The following CSMD3 variants were observed in gnomAD, a reference collection of about 807,000 sequenced individuals.
CSMD3 encodes the protein CUB and Sushi multiple domains 3, also known as CUB and sushi domain-containing protein 3.
A neutral mutation model predicts 435.2 loss-of-function variants in CSMD3; 177 were observed. The observed-to-expected ratio is 0.41, with a 90% CI of 0.36 to 0.46. The LOEUF (loss-of-function observed/expected upper bound fraction) is 0.46, where lower values mean the gene tolerates loss of function less well. CSMD3 is among the 20% of genes least tolerant of loss of function. The pLI is 0.34. For synonymous variants in CSMD3, 1,656 were observed against 1,520.5 expected (o/e 1.09, Z -2.07); for missense variants, 4,265 against 4,504.6 (o/e 0.95, Z 1.52).
At chr8:112,969,032 T>G (rs1259956101) in intron 7 of CSMD3, among the ~76,000 whole-genome samples, 1 of 152,024 alleles carries the variant, frequency 6.6e-6, no homozygotes, top group Non-Finnish European at 1.5e-5. Flanking sequence ...TAATATAGCC[T>G]ATTAGTGATG....
chr8:112,440,745 C>T (rs886289040), intron 32 of CSMD3, among the ~76,000 whole-genome samples: 1 of 152,196 alleles, frequency 6.6e-6, no homozygotes, highest in African/African-American at 2.4e-5. Context: ...TTGGGACTTG[C>T]ACCCTCTGAA....
At chr8:112,550,283 G>C (rs1045624521) in intron 27 of CSMD3, among the ~76,000 whole-genome samples, 3 of 151,584 alleles carry the variant, frequency 2.0e-5, no homozygotes, top group African/African-American at 7.3e-5. Flanking sequence ...GAAAAATGTA[G>C]GGTTGTATTT....
chr8:113,135,293 T>C (rs1287483908), intron 4 of CSMD3, among the ~76,000 whole-genome samples: 2 of 151,914 alleles, frequency 1.3e-5, no homozygotes, highest in African/African-American at 4.8e-5. Flanking sequence ...TAAATAAAAA[T>C]TATTTCAGTT....
chr8:112,699,324 C>T (rs969747896), intron 13 of CSMD3, among the ~76,000 whole-genome samples: 1 of 152,128 alleles, frequency 6.6e-6, no homozygotes, highest in African/African-American at 2.4e-5. Flanking sequence ...AAGGAACAAA[C>T]TCCAAACACA....
intron 30 of CSMD3, 128 bp from the exon 31 acceptor site, chr8:112,492,811 A>C: frequency 1.3e-6 from 1 of 783,608 alleles, no homozygotes; most frequent in South Asian, 1.4e-5. Context: ...CTGTATCTGT[A>C]CTGAATATAT....
At chr8:113,436,504 C>T (rs752027722) in intron 1 of CSMD3, among the ~76,000 whole-genome samples, 173 bp downstream of exon 1, 1 of 152,178 alleles carries the variant, frequency 6.6e-6, no homozygotes, top group Non-Finnish European at 1.5e-5. Flanking sequence ...CCAAATCTGG[C>T]AAGCAAAATG....
chr8:113,174,083 A>C (rs1276373035), intron 3 of CSMD3, among the ~76,000 whole-genome samples, 167 bp from the exon 4 acceptor site: 2 of 152,220 alleles, frequency 1.3e-5, no homozygotes, highest in African/African-American at 4.8e-5. Context: ...GAATATGGGA[A>C]GAAAACTAAA....
chr8:113,276,191 CAT>C (rs2093568565), intron 3 of CSMD3, among the ~76,000 whole-genome samples: 1 of 152,072 alleles, frequency 6.6e-6, no homozygotes, highest in African/African-American at 2.4e-5. Flanking sequence ...GGAACTTGCA[CAT>C]ATGTCATGTT....
At chr8:112,510,986 G>A (rs541667973) in intron 28 of CSMD3, among the ~76,000 whole-genome samples, 2 of 152,048 alleles carry the variant, frequency 1.3e-5, no homozygotes, top group East Asian at 3.9e-4. Flanking sequence ...TTTACCTTTG[G>A]GGCTCTGAAA....
intron 10 of CSMD3, among the ~76,000 whole-genome samples, chr8:112,920,584 T>C (rs1242417618): frequency 6.6e-6 from 1 of 151,844 alleles, no homozygotes; most frequent in Non-Finnish European, 1.5e-5. Flanking sequence ...CAAACCTTGA[T>C]GTTTATGTCT....
At chr8:112,421,184 T>C (rs1372232154) in intron 32 of CSMD3, among the ~76,000 whole-genome samples, 2 of 151,820 alleles carry the variant, frequency 1.3e-5, no homozygotes, top group Non-Finnish European at 2.9e-5. Flanking sequence ...CATTTTTTTT[T>C]TAACAGAAGG....
rs71566035 is a variant in CSMD3, at chr8:112,609,201, C to CAAAAAAAAAA, written c.3716-21976_3716-21967dup. ...TGGGTGACAGAGAAAGATACTGCCT[C>CAAAAAAAAAA]AAAAAAAAAAAAAAAAAAAAAAAAA... On this transcript the variant is annotated intron_variant, in intron 22 of 70. Transcript: ENST00000297405. Among the ~76,000 whole-genome samples the CAAAAAAAAAA allele has an allele frequency of 8.8e-3, 379 of 42,972 alleles. 1 individual carries two copies. The highest frequency in any genetic ancestry group is 0.021 in the Middle Eastern group (1 of 48). The allele number at this position is 42,972 out of a possible 152,430, so 28.2% of individuals were successfully genotyped here.
intron 7 of CSMD3, among the ~76,000 whole-genome samples, chr8:112,969,985 C>T (rs1015172037): frequency 3.3e-5 from 5 of 152,006 alleles, no homozygotes; most frequent in East Asian, 1.9e-4. Flanking sequence ...ATATCAGACA[C>T]TAAATGAATC....
At chr8:112,918,534 T>A (rs1002333631) in intron 10 of CSMD3, among the ~76,000 whole-genome samples, 3 of 151,858 alleles carry the variant, frequency 2.0e-5, no homozygotes, top group African/African-American at 7.2e-5. Flanking sequence ...TCTTTAAGTA[T>A]CAGGAAGGTC....
chr8:113,420,452 C>T (rs1350845846), intron 1 of CSMD3, among the ~76,000 whole-genome samples: 7 of 151,750 alleles, frequency 4.6e-5, no homozygotes, highest in Non-Finnish European at 7.4e-5. Flanking sequence ...CAGTGGAATG[C>T]CCCTCCTTAA....
At chr8:113,278,808 T>G (rs909163760) in intron 2 of CSMD3, 104 bp from the exon 3 acceptor site, 1 of 665,522 alleles carries the variant, frequency 1.5e-6, no homozygotes, top group Non-Finnish European at 2.8e-6. Flanking sequence ...ACAGATTTTC[T>G]CCTATAATTT....
chr8:112,920,963 T>TTA (rs138825681), intron 10 of CSMD3, among the ~76,000 whole-genome samples: 1,960 of 125,816 alleles, frequency 0.016, 46 homozygotes, highest in African/African-American at 0.051. Flanking sequence ...ATACTGGTAT[T>TTA]TATATATATA....
At chr8:112,752,555 T>C (rs891262732) in intron 13 of CSMD3, among the ~76,000 whole-genome samples, 4 of 152,186 alleles carry the variant, frequency 2.6e-5, no homozygotes, top group African/African-American at 4.8e-5. Context: ...AATATCATCA[T>C]ATTGCAAAGT....
intron 9 of CSMD3, among the ~76,000 whole-genome samples, chr8:112,931,483 T>C (rs915917365): frequency 8.2e-5 from 12 of 146,870 alleles, no homozygotes; most frequent in African/African-American, 3.0e-4. Context: ...TCCGAAACTA[T>C]AAAACTACTA....
Sources: allele counts gnomAD v4.1 joint callset (sites outside exome capture counted in the v4.1 genomes callset), GRCh38; gene constraint gnomAD v4.1.1; transcripts MANE v1.5; gene names NCBI Gene and HGNC (gene_info 2026-07-23, HGNC 2026-07-21).